ERC2: variants seen among roughly 807,000 people sequenced by gnomAD.
ERC2 encodes ERC protein 2.
Under a neutral mutation model 114.8 loss-of-function variants are expected in ERC2, and 42 were observed. The observed-to-expected ratio is 0.37, with a 90% CI of 0.29 to 0.47. The LOEUF (loss-of-function observed/expected upper bound fraction) is 0.47, where lower values mean the gene tolerates loss of function less well. ERC2 is among the 20% of genes least tolerant of loss of function. The pLI is 0.99. For synonymous variants in ERC2, 454 were observed against 425.5 expected, an observed-to-expected ratio of 1.07 and a Z score of -0.82; for missense variants, 939 against 1,150.7, an observed-to-expected ratio of 0.82 and a Z score of 2.66.
At chr3:56,299,807 T>A (rs952912501) in intron 2 of ERC2, among the ~76,000 whole-genome samples, 2 of 152,196 alleles carry the variant, frequency 1.3e-5, no homozygotes, top group Non-Finnish European at 2.9e-5. Flanking sequence ...TCCAGGTTTA[T>A]CTGGAGTCAA....
At chr3:55,915,674 A>C (rs1357517745) in intron 13 of ERC2, among the ~76,000 whole-genome samples, 1 of 152,166 alleles carries the variant, frequency 6.6e-6, no homozygotes, top group Non-Finnish European at 1.5e-5. Context: ...TGACTGGCTG[A>C]AGGATTGGAA....
chr3:55,979,677 C>T (rs777759105), intron 12 of ERC2, among the ~76,000 whole-genome samples: 1 of 151,890 alleles, frequency 6.6e-6, no homozygotes, highest in Non-Finnish European at 1.5e-5. Context: ...AATCTGCAAG[C>T]TGGAGTTAAA....
In ERC2 at chr3:55,849,600, G is replaced by A. The variant is rs73078766; in HGVS notation, c.2564+38789C>T. On this transcript the variant is annotated intron_variant, in intron 14 of 17. Transcript: ENST00000288221. The stretch of plus-strand genomic sequence containing the variant: ...AGGAGGATGCCTTGTCCATTCTACT[G>A]TCAGCCATTCTATTTCCATATCAAC... 2.7e-3 allele frequency among the ~76,000 whole-genome samples: 407 copies of A among 152,256 alleles called. 2 individuals carry two copies. The highest frequency in any genetic ancestry group is 4.1e-3 in the Non-Finnish European group (281 of 68,010).
At chr3:55,632,370 A>G (rs1191504842) in intron 17 of ERC2, among the ~76,000 whole-genome samples, 1 of 152,208 alleles carries the variant, frequency 6.6e-6, no homozygotes, top group Non-Finnish European at 1.5e-5. Flanking sequence ...GTACCAGGGT[A>G]TGGATGACCA....
intron 3 of ERC2, among the ~76,000 whole-genome samples, chr3:56,285,131 T>C (rs2054611619): frequency 7.5e-6 from 1 of 132,610 alleles, no homozygotes; most frequent in Non-Finnish European, 1.6e-5. Context: ...CACATCTGCT[T>C]TCTAGTTAAA....
At chr3:55,594,015 C>A (rs1161409406) in intron 17 of ERC2, among the ~76,000 whole-genome samples, 1 of 152,196 alleles carries the variant, frequency 6.6e-6, no homozygotes, top group Non-Finnish European at 1.5e-5. Flanking sequence ...CTCACCCTCA[C>A]TTTCATGCTC....
chr3:55,632,917 C>T (rs1459542003), intron 17 of ERC2, among the ~76,000 whole-genome samples: 3 of 152,198 alleles, frequency 2.0e-5, no homozygotes, highest in Non-Finnish European at 4.4e-5. Flanking sequence ...CAGGACTAAA[C>T]CACAAGTGTT....
chr3:56,404,241 C>A (rs185374447), intron 2 of ERC2, among the ~76,000 whole-genome samples: 6 of 152,112 alleles, frequency 3.9e-5, no homozygotes, highest in Admixed American at 1.3e-4. Flanking sequence ...TATTTTTATT[C>A]TTCTAAATTA....
At chr3:55,538,725 C>T (rs2107322764) in intron 17 of ERC2, among the ~76,000 whole-genome samples, 1 of 152,316 alleles carries the variant, frequency 6.6e-6, no homozygotes, top group East Asian at 1.9e-4. Context: ...CATTTTAAGT[C>T]AATGAAACCT....
chr3:56,151,445 T>C (rs1293530583), intron 4 of ERC2, among the ~76,000 whole-genome samples: 1 of 151,996 alleles, frequency 6.6e-6, no homozygotes, highest in Non-Finnish European at 1.5e-5. Context: ...CAGGGAAAAG[T>C]AGGTAGGAGA....
intron 14 of ERC2, among the ~76,000 whole-genome samples, chr3:55,835,215 G>A (rs184774266): frequency 0.076 from 11,614 of 151,862 alleles, 564 homozygotes; most frequent in South Asian, 0.16. Flanking sequence ...CTATTCCAAC[G>A]AACAGAAAAA....
chr3:55,647,771 CATCT>C (rs1234587938), intron 17 of ERC2, among the ~76,000 whole-genome samples: 2 of 152,296 alleles, frequency 1.3e-5, no homozygotes, highest in East Asian at 3.9e-4. Context: ...GATCTAGGCC[CATCT>C]TTCTTCATGT....
chr3:55,610,064 C>CAAAAAAAAAAAA (rs36088271), intron 17 of ERC2, among the ~76,000 whole-genome samples: 6 of 118,706 alleles, frequency 5.1e-5, no homozygotes, highest in East Asian at 2.7e-4. Context: ...CAAACACAAA[C>CAAAAAAAAAAAA]AAAAAAAAAA....
chr3:55,901,340 CT>C (rs140576210), intron 13 of ERC2, among the ~76,000 whole-genome samples: 81 of 152,298 alleles, frequency 5.3e-4, no homozygotes, highest in African/African-American at 1.9e-3. Flanking sequence ...GGGGTCTCCA[CT>C]TAGAGTCTCA....
chr3:55,872,149 C>A (rs2062614864), intron 14 of ERC2, among the ~76,000 whole-genome samples: 1 of 152,080 alleles, frequency 6.6e-6, no homozygotes, highest in Non-Finnish European at 1.5e-5. Context: ...TAAAAATTAA[C>A]AGTAATTTAC....
At chr3:56,381,128 T>C (rs565949569) in intron 2 of ERC2, among the ~76,000 whole-genome samples, 2 of 152,348 alleles carry the variant, frequency 1.3e-5, no homozygotes, top group East Asian at 3.9e-4. Context: ...ATAATTCTCA[T>C]AAATTCATTA....
At chr3:55,905,822 T>C (rs1037188100) in intron 13 of ERC2, among the ~76,000 whole-genome samples, 2 of 152,084 alleles carry the variant, frequency 1.3e-5, no homozygotes, top group Admixed American at 6.5e-5. Context: ...ATAGCAGGCA[T>C]CTTCTAAACT....
chr3:55,860,206 T>C (rs996107066), intron 14 of ERC2, among the ~76,000 whole-genome samples: 2 of 152,136 alleles, frequency 1.3e-5, no homozygotes, highest in African/African-American at 4.8e-5. Context: ...TGACTATGGA[T>C]TTAAGCCAAA....
intron 3 of ERC2, among the ~76,000 whole-genome samples, chr3:56,287,820 G>GT (rs1048976851): frequency 4.6e-5 from 7 of 152,208 alleles, no homozygotes; most frequent in Admixed American, 2.0e-4. Flanking sequence ...CACCTCTCAA[G>GT]GCCTCAACTT....
Sources: gnomAD v4.1 joint callset for allele counts (sites outside exome capture counted in the v4.1 genomes callset) on GRCh38, gnomAD v4.1.1 for gene constraint, MANE v1.5 for transcripts, NCBI Gene and HGNC (gene_info 2026-07-23, HGNC 2026-07-21) for gene names.